Variants in SLCO3A1 observed in about 807,000 individuals in gnomAD.
SLCO3A1 encodes the protein PGE1 transporter.
SLCO3A1 carries 27 observed loss-of-function variants against 63.1 expected under a neutral mutation model. That is an observed-to-expected ratio of 0.43 (90% CI 0.32 to 0.59). The LOEUF is 0.59. Among genes scored for constraint, SLCO3A1 ranks in the 20% least tolerant of loss-of-function variants. The pLI is 0.09. For missense variants in SLCO3A1, 773 were observed against 945.8 expected (o/e 0.82, Z 2.40); for synonymous variants, 473 against 409.9 (o/e 1.15, Z -1.86).
intron 1 of SLCO3A1, among the ~76,000 whole-genome samples, chr15:91,896,881 C>A (rs1376381349): frequency 2.0e-5 from 3 of 152,114 alleles, no homozygotes; most frequent in Non-Finnish European, 4.4e-5. Context: ...AGAAAATAAT[C>A]CAAATGGTAC....
intron 9 of SLCO3A1, among the ~76,000 whole-genome samples, chr15:92,151,603 C>T (rs2151593747): frequency 6.6e-6 from 1 of 152,308 alleles, no homozygotes; most frequent in African/African-American, 2.4e-5. Context: ...TGGTTCACCA[C>T]CCAAGGTCCT....
chr15:92,019,671 A>G (rs2046483221), intron 2 of SLCO3A1, among the ~76,000 whole-genome samples: 1 of 152,194 alleles, frequency 6.6e-6, no homozygotes, highest in African/African-American at 2.4e-5. Context: ...AAGCCTATCT[A>G]CTTTCTAGAT....
chr15:92,041,657 T>C (rs2046798231), intron 2 of SLCO3A1, among the ~76,000 whole-genome samples: 1 of 152,180 alleles, frequency 6.6e-6, no homozygotes, highest in South Asian at 2.1e-4. Context: ...TTGCAGAATC[T>C]GAGGGATCTT....
chr15:92,094,769 T>C, intron 2 of SLCO3A1, 112 bp from the exon 3 acceptor site: 1 of 682,650 alleles, frequency 1.5e-6, no homozygotes, highest in Non-Finnish European at 2.5e-6. Context: ...TTAGATGAAT[T>C]CCTAATGTCA....
intron 2 of SLCO3A1, among the ~76,000 whole-genome samples, chr15:91,988,793 CAT>C (rs1400435605): frequency 6.6e-6 from 1 of 152,194 alleles, no homozygotes; most frequent in African/African-American, 2.4e-5. Flanking sequence ...TTGCATCACT[CAT>C]ATATGCACAC....
At chr15:91,878,544 G>A (rs1897463534) in intron 1 of SLCO3A1, among the ~76,000 whole-genome samples, 1 of 152,110 alleles carries the variant, frequency 6.6e-6, no homozygotes, top group Non-Finnish European at 1.5e-5. Context: ...CTAGATGATG[G>A]GACACTTGAA....
At chr15:92,054,983 G>T (rs2047004601) in intron 2 of SLCO3A1, among the ~76,000 whole-genome samples, 1 of 152,014 alleles carries the variant, frequency 6.6e-6, no homozygotes, top group Non-Finnish European at 1.5e-5. Context: ...GGAATTGCTG[G>T]GTCAAATGGG....
intron 2 of SLCO3A1, among the ~76,000 whole-genome samples, chr15:92,001,598 C>T (rs891224871): frequency 6.6e-6 from 1 of 152,100 alleles, no homozygotes; most frequent in African/African-American, 2.4e-5. Context: ...TCTCACATGC[C>T]CCCCCACCCA....
At chr15:91,978,504 A>G (rs1901205127) in intron 2 of SLCO3A1, among the ~76,000 whole-genome samples, 1 of 152,146 alleles carries the variant, frequency 6.6e-6, no homozygotes. Context: ...AAGAGGAGGG[A>G]AGGATTTGGA....
chr15:92,053,743 G>A (rs1206902116), intron 2 of SLCO3A1, among the ~76,000 whole-genome samples: 1 of 148,836 alleles, frequency 6.7e-6, no homozygotes, highest in Non-Finnish European at 1.5e-5. Context: ...TTATGGGTTT[G>A]GAAGAGGAAG....
chr15:92,108,095 A>G (rs570653265), intron 4 of SLCO3A1, among the ~76,000 whole-genome samples: 1 of 152,340 alleles, frequency 6.6e-6, no homozygotes, highest in South Asian at 2.1e-4. Flanking sequence ...ATTGGGTTTT[A>G]CAACCCTTAT....
intron 2 of SLCO3A1, among the ~76,000 whole-genome samples, chr15:91,957,467 C>T (rs1312398655): frequency 6.6e-6 from 1 of 151,916 alleles, no homozygotes; most frequent in African/African-American, 2.4e-5. Context: ...GCCTTCCCCA[C>T]CTTCTTTCCT....
At chr15:92,137,167 C>G (rs1398099092) in intron 7 of SLCO3A1, among the ~76,000 whole-genome samples, 1 of 139,764 alleles carries the variant, frequency 7.2e-6, no homozygotes, top group East Asian at 2.0e-4. Flanking sequence ...TGTTCCCCTT[C>G]CTGTGTCCAT....
chr15:91,903,712 C>T (rs537165361), intron 1 of SLCO3A1, among the ~76,000 whole-genome samples: 2 of 152,306 alleles, frequency 1.3e-5, no homozygotes, highest in South Asian at 2.1e-4. Flanking sequence ...TTAGCCACCA[C>T]GTGTCCAGCT....
intron 2 of SLCO3A1, among the ~76,000 whole-genome samples, chr15:92,027,911 A>T (rs199554197): frequency 6.6e-6 from 1 of 152,250 alleles, no homozygotes; most frequent in East Asian, 1.9e-4. Context: ...AATGTGCAAG[A>T]GGAAGCTTAG....
chr15:92,067,329 G>A (rs951385151), intron 2 of SLCO3A1, among the ~76,000 whole-genome samples: 3 of 152,200 alleles, frequency 2.0e-5, no homozygotes, highest in African/African-American at 7.2e-5. Context: ...CTTCCCGTGT[G>A]GTTTCTTCAG....
At chr15:91,971,469 C>CTATTTGAT (rs1900868498) in intron 2 of SLCO3A1, among the ~76,000 whole-genome samples, 1 of 146,974 alleles carries the variant, frequency 6.8e-6, no homozygotes, top group Admixed American at 6.9e-5. Flanking sequence ...TTTTTGTTGT[C>CTATTTGAT]TATTTGATGT....
chr15:92,042,096 C>G (rs953748005), intron 2 of SLCO3A1, among the ~76,000 whole-genome samples: 2 of 152,174 alleles, frequency 1.3e-5, no homozygotes, highest in African/African-American at 4.8e-5. Context: ...TAATGGCGCT[C>G]TCTGCATTCT....
intron 1 of SLCO3A1, among the ~76,000 whole-genome samples, chr15:91,868,356 T>A (rs1216855238): frequency 1.1e-4 from 2 of 18,828 alleles, no homozygotes; most frequent in East Asian, 0.017. Context: ...CCAGCCGGCT[T>A]TTTTTTTTTT....
Sources: allele counts gnomAD v4.1 joint callset (sites outside exome capture counted in the v4.1 genomes callset), GRCh38; gene constraint gnomAD v4.1.1; transcripts MANE v1.5; gene names NCBI Gene and HGNC (gene_info 2026-07-23, HGNC 2026-07-21).